JADE3: variants seen among roughly 807,000 people sequenced by gnomAD.
JADE3 encodes the protein protein Jade-3.
JADE3 carries 2 observed loss-of-function variants against 50.1 expected under a neutral mutation model. That is an observed-to-expected ratio of 0.04 (90% CI 0.02 to 0.13). The LOEUF is 0.13. JADE3 is among the 10% of genes least tolerant of loss of function. The pLI is 1.00. For missense variants in JADE3, 475 were observed against 634.4 expected (o/e 0.75, Z 2.70); for synonymous variants, 218 against 232.9 (o/e 0.94, Z 0.58).
At chrX:46,997,836 A>G (rs782032157) in intron 3 of JADE3, among the ~76,000 whole-genome samples, 3 of 112,607 alleles carry the variant, frequency 2.7e-5, no homozygotes, top group African/African-American at 9.7e-5. Context: ...ATTGTTTTAT[A>G]CAAACTGTTT....
chrX:46,917,572 G>A (rs1053021189), intron 1 of JADE3, among the ~76,000 whole-genome samples: 8 of 110,694 alleles, frequency 7.2e-5, no homozygotes, highest in Non-Finnish European at 1.5e-4. Flanking sequence ...TAGAGAGAAG[G>A]GATTGCCAGG....
At chrX:46,990,172 G>A (rs1927953738) in intron 3 of JADE3, among the ~76,000 whole-genome samples, 2 of 111,714 alleles carry the variant, frequency 1.8e-5, no homozygotes, top group African/African-American at 6.5e-5. Flanking sequence ...TCTAACATCT[G>A]TGGATCTCAG....
intron 6 of JADE3, among the ~76,000 whole-genome samples, chrX:47,030,586 A>G (rs1305793896): frequency 8.9e-6 from 1 of 112,196 alleles, no homozygotes; most frequent in Non-Finnish European, 1.9e-5. Flanking sequence ...GAATGGGGAC[A>G]TGTTGACATC....
chrX:46,976,203 G>A lies in JADE3; in HGVS notation c.-11-8681G>A, dbSNP rs140482977. ...AAGTATGTCTCATGGGTATATAGTAGGAAAGGAAAGGGCTATGTTTGAGCT... is the reference window on the plus strand; with the variant it reads ...AAGTATGTCTCATGGGTATATAGTAAGAAAGGAAAGGGCTATGTTTGAGCT... On this transcript the variant is annotated intron_variant, in intron 1 of 10. Transcript: ENST00000614628. Among the ~76,000 whole-genome samples, 362 of 111,411 alleles carry A rather than the reference G, an allele frequency of 3.2e-3. 1 individual carries two copies. The highest frequency in any genetic ancestry group is 0.011 in the African/African-American group (347 of 30,655).
rs149531156 is a variant in JADE3 at position 47,001,460 on chromosome X, C to T, written c.284+3183C>T. Among the ~76,000 whole-genome samples, 1,064 of 111,501 alleles carry T rather than the reference C, an allele frequency of 9.5e-3. 8 individuals carry two copies. Among genetic ancestry groups the T allele is most frequent in the East Asian group, 0.027 (95 of 3,558 alleles). ...AAATCTCCATACTTTTATCATCTTCCTTGGATTTCTCTTTTGGCTTTCAAT... is the reference window on the plus strand; with the variant it reads ...AAATCTCCATACTTTTATCATCTTCTTTGGATTTCTCTTTTGGCTTTCAAT... On this transcript the variant is annotated intron_variant, in intron 4 of 10. Transcript: ENST00000614628.
At chrX:46,999,305 C>T (rs1284520216) in intron 4 of JADE3, among the ~76,000 whole-genome samples, 2 of 107,126 alleles carry the variant, frequency 1.9e-5, no homozygotes, top group African/African-American at 6.8e-5. Flanking sequence ...CTTAAAGACC[C>T]CACCTCCCAA....
In JADE3 at chrX:47,015,043, T is replaced by C. The variant is rs79978440; in HGVS notation, c.285-9681T>C. Among the ~76,000 whole-genome samples, 214 of 112,480 alleles carry C rather than the reference T, an allele frequency of 1.9e-3. 7 individuals carry two copies. The East Asian group carries it at 0.044, about 23-fold the overall frequency. ...TTTAAAAATTGTAAGTCAGAGTGCA[T>C]TGAAAGCATGATGACATTCCTTAAT... On this transcript the variant is annotated intron_variant, in intron 4 of 10. Coordinates refer to ENST00000614628, the MANE Select transcript of JADE3 (RefSeq NM_014735.5).
chrX:46,979,244 A>G (rs1312300817), intron 1 of JADE3, among the ~76,000 whole-genome samples: 1 of 112,413 alleles, frequency 8.9e-6, no homozygotes, highest in Non-Finnish European at 1.9e-5. Context: ...CTATTCTTTA[A>G]AATCTCCCTC....
At chrX:46,990,421 G>A (rs1398963575) in intron 3 of JADE3, among the ~76,000 whole-genome samples, 1 of 111,766 alleles carries the variant, frequency 8.9e-6, no homozygotes, top group East Asian at 2.8e-4. Context: ...CTGGGAAGCA[G>A]CACTGGGGAG....
At chrX:46,972,198 GT>G (rs1296175169) in intron 1 of JADE3, among the ~76,000 whole-genome samples, 2 of 110,135 alleles carry the variant, frequency 1.8e-5, no homozygotes, top group South Asian at 3.9e-4. Flanking sequence ...GTATAATAAA[GT>G]TTTTTTTTCT....
chrX:46,962,669 G>C (rs1212965819), intron 1 of JADE3, among the ~76,000 whole-genome samples: 1 of 111,636 alleles, frequency 9.0e-6, no homozygotes, highest in Admixed American at 9.5e-5. Context: ...GAATATGTGA[G>C]GGCTTTGGAG....
Position 47,059,357 on chromosome X carries a change from C to T in JADE3, c.*280C>T, listed in dbSNP as rs187385515. 244 of 275,078 alleles carry T rather than the reference C, an allele frequency of 8.9e-4. 1 individual carries two copies. The highest frequency in any genetic ancestry group is 5.9e-3 in the African/African-American group (214 of 36,151). 22.7% of individuals were successfully genotyped at this position (275,078 alleles called of 1,213,427 possible). ...CAGTAAATATTTTGGGGCAGCTTTC[C>T]GGTTATATAACACATTGACAAGTAT... On this transcript the variant is annotated 3_prime_UTR_variant, in exon 11 of 11. Coordinates refer to ENST00000614628, the MANE Select transcript of JADE3 (RefSeq NM_014735.5).
At chrX:46,947,043 G>A (rs1184595213) in intron 1 of JADE3, among the ~76,000 whole-genome samples, 10 of 111,012 alleles carry the variant, frequency 9.0e-5, no homozygotes. Context: ...TCTTTGAGAC[G>A]GAGTCTCACT....
chrX:46,922,605 T>G, intron 1 of JADE3, among the ~76,000 whole-genome samples: 1 of 111,364 alleles, frequency 9.0e-6, no homozygotes, highest in East Asian at 2.8e-4. Context: ...TCACTGAGTC[T>G]TTCCTTGGCT....
intron 4 of JADE3, among the ~76,000 whole-genome samples, chrX:47,012,636 T>G (rs1291870072): frequency 4.5e-5 from 5 of 110,730 alleles, no homozygotes; most frequent in African/African-American, 1.6e-4. Context: ...TTTTTTTTGT[T>G]GTTGTTGTTG....
At chrX:47,055,660 T>C (rs1929619042) in intron 9 of JADE3, among the ~76,000 whole-genome samples, 1 of 111,899 alleles carries the variant, frequency 8.9e-6, no homozygotes, top group Non-Finnish European at 1.9e-5. Context: ...AAAAAAACAC[T>C]TCTAGTCTTC....
At chrX:46,959,652 T>C (rs1345595997) in intron 1 of JADE3, among the ~76,000 whole-genome samples, 1 of 110,797 alleles carries the variant, frequency 9.0e-6, no homozygotes, top group Non-Finnish European at 1.9e-5. Context: ...TGGATTGAAA[T>C]CTGACATGAC....
intron 8 of JADE3, among the ~76,000 whole-genome samples, chrX:47,051,631 T>A (rs1929508947): frequency 9.2e-6 from 1 of 108,822 alleles, no homozygotes; most frequent in Non-Finnish European, 1.9e-5. Context: ...ACCCCGTCTC[T>A]ACTATAAATA....
At chrX:46,913,934 G>A (rs782466284) in intron 1 of JADE3, among the ~76,000 whole-genome samples, 19 of 110,455 alleles carry the variant, frequency 1.7e-4, no homozygotes, top group African/African-American at 5.6e-4. Flanking sequence ...ATGAAGCTGA[G>A]GATGAGATTC....
Sources: allele counts gnomAD v4.1 joint callset (sites outside exome capture counted in the v4.1 genomes callset), GRCh38; gene constraint gnomAD v4.1.1; transcripts MANE v1.5; gene names NCBI Gene and HGNC (gene_info 2026-07-23, HGNC 2026-07-21).